Variants in BSN observed in about 807,000 individuals in gnomAD.
BSN encodes protein bassoon.
In BSN, 57 loss-of-function variants were observed where a neutral mutation model predicts 264.8. The ratio of observed to expected loss-of-function variants is 0.22; its 90% CI spans 0.17 to 0.27. The LOEUF (loss-of-function observed/expected upper bound fraction) is 0.27, where lower values mean the gene tolerates loss of function less well. BSN is among the 10% of genes least tolerant of loss of function. BSN has a pLI of 1.00. For synonymous variants in BSN, 2,059 were observed against 2,137.3 expected (o/e 0.96, Z 1.01); for missense variants, 4,615 against 5,232.5 (o/e 0.88, Z 3.64).
intron 1 of BSN, among the ~76,000 whole-genome samples, chr3:49,600,674 C>T (rs1289110090): frequency 2.6e-5 from 4 of 152,066 alleles, no homozygotes; most frequent in African/African-American, 9.7e-5. Flanking sequence ...TGTGGTGAAG[C>T]GTGCCTGTAA....
chr3:49,554,764 G>C lies in BSN; in HGVS notation c.162G>C (p.Ser54=), dbSNP rs773446127. 4 of 1,230,512 alleles carry C rather than the reference G, an allele frequency of 3.3e-6. No homozygotes were observed. The highest frequency in any genetic ancestry group is 3.8e-5 in the South Asian group (1 of 26,640). 76.2% of individuals were successfully genotyped at this position (1,230,512 alleles called of 1,614,324 possible). Residue 54 remains serine, a synonymous_variant, in exon 1 of 12, where the codon TCG becomes TCC. Transcript: ENST00000296452. ...GQLPAAGAAR[S]TAVPPVPGPG... is the part of the protein sequence containing the mutation. ...TCCCCGCGGCGGGAGCAGCGCGGTC[G>C]ACCGCGGTACCACCGGTCCCTGGCC...
rs376386796 is a variant in BSN at position 49,661,822 on chromosome 3, G to T, written c.9977G>T (p.Arg3326Met). Residue 3326 changes from arginine to methionine, a missense_variant, in exon 6 of 12, where the codon AGG becomes ATG. Transcript: ENST00000296452. ...CACTACTATGGTGACAGTGACTACA[G>T]GCATGGGGCTCGAGTAGAGAAGTAT... is the stretch of plus-strand genomic sequence containing the variant. Reference protein sequence around the residue: ...STHYYGDSDYRHGARVEKYGP... With the variant: ...STHYYGDSDYMHGARVEKYGP... 1 of 1,613,610 alleles carries T rather than the reference G, an allele frequency of 6.2e-7. No homozygotes were observed. Among genetic ancestry groups the T allele is most frequent in the Non-Finnish European group, 8.5e-7 (1 of 1,180,054 alleles).
intron 1 of BSN, among the ~76,000 whole-genome samples, chr3:49,618,974 A>T (rs1371654487): frequency 1.3e-5 from 2 of 152,252 alleles, no homozygotes; most frequent in Non-Finnish European, 2.9e-5. Context: ...CATGTATAAG[A>T]TGTGAAGAAT....
intron 1 of BSN, among the ~76,000 whole-genome samples, chr3:49,562,824 GGAA>G (rs1298198430): frequency 2.6e-5 from 4 of 152,200 alleles, no homozygotes; most frequent in East Asian, 1.9e-4. Context: ...ATGATGTGGA[GGAA>G]GAAGAATAGT....
rs562372982 is a variant in BSN, at chr3:49,560,130, G to A, written c.224+5304G>A. On this transcript the variant is annotated intron_variant, in intron 1 of 11. Transcript: ENST00000296452. The stretch of plus-strand genomic sequence containing the variant: ...GTGTGGGGGAGCCCTCCCTGCATAT[G>A]TGAGTAGGAAGCCTCCTACTCACAT... Among the ~76,000 whole-genome samples the A allele has an allele frequency of 1.2e-4, 19 of 152,142 alleles. No homozygotes were observed. The South Asian group carries it at 2.7e-3, about 22-fold the overall frequency.
chr3:49,666,917 C>T (rs764839384), intron 11 of BSN, among the ~76,000 whole-genome samples: 5 of 150,836 alleles, frequency 3.3e-5, no homozygotes, highest in African/African-American at 5.0e-5. Context: ...TGCGGCTTCC[C>T]GCTCAGCTGA....
In BSN at chr3:49,661,232, C is replaced by A; in HGVS notation, c.9387C>A (p.Ser3129Arg). The change falls in exon 6 of 12, where the codon AGC becomes AGA. Residue 3129 changes from serine (S) to arginine (R), a missense_variant. Coordinates refer to ENST00000296452, the MANE Select transcript of BSN (RefSeq NM_003458.4). Reference sequence around the variant, plus strand: ...AAACACCCATGCCAACCACACAGAGCACCCTTTTTCCAGTCCCCGCTGATA... The same window carrying A: ...AAACACCCATGCCAACCACACAGAGAACCCTTTTTCCAGTCCCCGCTGATA... The part of the protein sequence containing the change: ...AGQTPMPTTQ[S>R]TLFPVPADSR... 6.2e-7 allele frequency: 1 copy of A among 1,613,692 alleles called. No homozygotes were observed. The highest frequency in any genetic ancestry group is 8.5e-7 in the Non-Finnish European group (1 of 1,180,038).
intron 1 of BSN, among the ~76,000 whole-genome samples, chr3:49,577,578 C>T (rs1180553735): frequency 2.0e-5 from 3 of 150,110 alleles, no homozygotes; most frequent in Non-Finnish European, 3.0e-5. Context: ...CTCGCACTGT[C>T]GCCCAGGCTG....
chr3:49,599,726 A>G (rs2052056851), intron 1 of BSN, among the ~76,000 whole-genome samples: 1 of 152,206 alleles, frequency 6.6e-6, no homozygotes, highest in Admixed American at 6.5e-5. Context: ...GAGAAAGTGT[A>G]CACCAGCCCC....
At chr3:49,620,419 C>T (rs12490267) in intron 1 of BSN, among the ~76,000 whole-genome samples, 71,411 of 149,130 alleles carry the variant, frequency 0.48, 19,043 homozygotes, top group East Asian at 0.94. Flanking sequence ...AGTGAGACTC[C>T]GTCTCAAAAA....
intron 1 of BSN, among the ~76,000 whole-genome samples, chr3:49,623,958 G>A (rs1157358523): frequency 2.0e-5 from 3 of 152,208 alleles, no homozygotes; most frequent in African/African-American, 4.8e-5. Flanking sequence ...CGACTGAGGT[G>A]CAGTCTGGGA....
chr3:49,579,397 C>G (rs547558790), intron 1 of BSN, among the ~76,000 whole-genome samples: 1 of 151,532 alleles, frequency 6.6e-6, no homozygotes, highest in East Asian at 1.9e-4. Context: ...TTCATAGATG[C>G]GCTTTACAAT....
rs2052552174 is a variant in BSN, at chr3:49,652,493, C to T, written c.2937C>T (p.His979=). Residue 979 remains histidine (H), a synonymous_variant, in exon 5 of 12, where the codon CAC becomes CAT. Coordinates refer to ENST00000296452, the MANE Select transcript of BSN (RefSeq NM_003458.4). ...GSPEDRSRGE[H]SSTLPASTPS... ...CTGAGGACCGCTCCCGTGGTGAGCA[C>T]TCCTCTACATTGCCTGCCTCCACAC... The T allele has an allele frequency of 1.2e-6, 2 of 1,613,696 alleles. No individual in the cohort carries two copies. The highest frequency in any genetic ancestry group is 1.7e-5 in the Admixed American group (1 of 60,016).
At chr3:49,623,101 C>T (rs764134615) in intron 1 of BSN, among the ~76,000 whole-genome samples, 10 of 152,148 alleles carry the variant, frequency 6.6e-5, no homozygotes, top group Non-Finnish European at 1.0e-4. Context: ...TGTCCCCAGG[C>T]GGGCTCCTCA....
At chr3:49,666,236 G>T (rs2108102211) in intron 11 of BSN, among the ~76,000 whole-genome samples, 1 of 152,340 alleles carries the variant, frequency 6.6e-6, no homozygotes, top group African/African-American at 2.4e-5. Flanking sequence ...CCCTGGGGCT[G>T]GCAGATGCTG....
chr3:49,636,894 C>G (rs1307537673), intron 2 of BSN, among the ~76,000 whole-genome samples: 1 of 152,264 alleles, frequency 6.6e-6, no homozygotes, highest in Non-Finnish European at 1.5e-5. Context: ...GCCACCTTAG[C>G]TGCCCTTCTG....
downstream of BSN, among the ~76,000 whole-genome samples, chr3:49,672,298 A>C (rs958041880): frequency 1.3e-5 from 2 of 152,084 alleles, no homozygotes; most frequent in Admixed American, 1.3e-4. Flanking sequence ...TACCACACAC[A>C]ATCTAAGGAA....
intron 2 of BSN, among the ~76,000 whole-genome samples, chr3:49,634,832 ATG>A (rs1039947149): frequency 1.3e-5 from 2 of 152,242 alleles, no homozygotes; most frequent in Non-Finnish European, 2.9e-5. Context: ...CACACTATAT[ATG>A]TGTGTGCATA....
rs1364815733 is a variant in BSN, at chr3:49,657,767, A to G, written c.8211A>G (p.Pro2737=). 1 of 1,553,904 alleles carries G rather than the reference A, an allele frequency of 6.4e-7. No individual in the cohort carries two copies. The highest frequency in any genetic ancestry group is 8.7e-7 in the Non-Finnish European group (1 of 1,148,162). Residue 2737 remains proline, a synonymous_variant, in exon 5 of 12, where the codon CCA becomes CCG. Coordinates refer to ENST00000296452, the MANE Select transcript of BSN (RefSeq NM_003458.4). The stretch of plus-strand genomic sequence containing the variant: ...TAGCCGGGCCGCAGCTTGTAGGGCC[A>G]ACTGCCATCAGCCCCTACCTGCCTG... ...QGVAGPQLVG[P]TAISPYLPGI... is the part of the protein sequence containing the mutation.
Sources: allele counts gnomAD v4.1 joint callset (sites outside exome capture counted in the v4.1 genomes callset), GRCh38; gene constraint gnomAD v4.1.1; transcripts MANE v1.5; gene names NCBI Gene and HGNC (gene_info 2026-07-23, HGNC 2026-07-21).